The following PIK3C3 variants were observed in gnomAD, a reference collection of about 807,000 sequenced individuals.
PIK3C3 encodes the protein phosphatidylinositol 3-kinase catalytic subunit type 3, also known as PI3-kinase type 3.
Under a neutral mutation model 126.1 loss-of-function variants are expected in PIK3C3, and 95 were observed. The ratio of observed to expected loss-of-function variants is 0.75; its 90% CI spans 0.64 to 0.89. The LOEUF (loss-of-function observed/expected upper bound fraction) is 0.89, where lower values mean the gene tolerates loss of function less well. PIK3C3 is among the 40% of genes least tolerant of loss of function. PIK3C3 has a pLI of 0.00. For missense variants in PIK3C3, 829 were observed against 1,063.2 expected (o/e 0.78, Z 3.06); for synonymous variants, 374 against 360.0 (o/e 1.04, Z -0.44).
chr18:42,014,896 CT>C (rs1982998803), intron 11 of PIK3C3, among the ~76,000 whole-genome samples: 1 of 152,088 alleles, frequency 6.6e-6, no homozygotes, highest in Non-Finnish European at 1.5e-5. Flanking sequence ...GGAAGATGCT[CT>C]TTATATTTTA....
At chr18:42,051,438 GATA>G (rs1007751944) in intron 21 of PIK3C3, 8 of 151,854 alleles carry the variant, frequency 5.3e-5, no homozygotes, top group East Asian at 1.9e-4. Flanking sequence ...TCCAAATTGT[GATA>G]ATAATAATTT....
At chr18:42,009,919 CA>C (rs1462918059) in intron 10 of PIK3C3, among the ~76,000 whole-genome samples, 2 of 152,030 alleles carry the variant, frequency 1.3e-5, no homozygotes, top group African/African-American at 4.8e-5. Flanking sequence ...ACTGAATGAT[CA>C]GGGTGATGGT....
chr18:42,015,929 T>C (rs1421174116), intron 12 of PIK3C3, among the ~76,000 whole-genome samples: 1 of 152,138 alleles, frequency 6.6e-6, no homozygotes, highest in East Asian at 1.9e-4. Flanking sequence ...AACTTTGATA[T>C]TAGAGTTAAT....
At chr18:42,044,347 T>G (rs1984461325) in intron 20 of PIK3C3, among the ~76,000 whole-genome samples, 1 of 152,158 alleles carries the variant, frequency 6.6e-6, no homozygotes, top group South Asian at 2.1e-4. Context: ...TATGTCTAAC[T>G]TCACGAAGGT....
chr18:41,955,473 G>A, intron 1 of PIK3C3, 114 bp downstream of exon 1: 1 of 889,102 alleles, frequency 1.1e-6, no homozygotes, highest in African/African-American at 1.7e-5. Flanking sequence ...GGCCCAGATT[G>A]GGGGCGGCTG....
intron 20 of PIK3C3, chr18:42,049,195 T>A (rs1386010279): frequency 5.6e-6 from 1 of 178,894 alleles, no homozygotes; most frequent in Non-Finnish European, 1.2e-5. Flanking sequence ...TGGTTACGAG[T>A]TATGGGATAA....
Position 42,082,428 on chromosome 18 carries a change from A to G in PIK3C3, c.*1291A>G, listed in dbSNP as rs1986281777. On this transcript the variant is annotated 3_prime_UTR_variant, in exon 25 of 25. Coordinates refer to ENST00000262039, the MANE Select transcript of PIK3C3 (RefSeq NM_002647.4). ...TAGAGGCATATGGAATATAGTTTGT[A>G]TAAAACATACCTGCTGATTAGAAAA... The G allele has an allele frequency of 6.6e-6, 1 of 152,250 alleles. No homozygotes were observed. The highest frequency in any genetic ancestry group is 6.5e-5 in the Admixed American group (1 of 15,284). The allele number at this position is 152,250 out of a possible 1,614,324, so 9.4% of individuals were successfully genotyped here.
chr18:41,985,236 A>T (rs557908748), intron 4 of PIK3C3: 18 of 152,344 alleles, frequency 1.2e-4, no homozygotes, highest in African/African-American at 4.1e-4. Flanking sequence ...TGCCAAAAAA[A>T]AGATAATGAG....
intron 11 of PIK3C3, among the ~76,000 whole-genome samples, chr18:42,014,918 T>C (rs1451313270): frequency 6.6e-6 from 1 of 152,048 alleles, no homozygotes; most frequent in Non-Finnish European, 1.5e-5. Context: ...TCTCACTCTA[T>C]ATTGGAGGTC....
chr18:41,965,114 G>A (rs1246979408), intron 3 of PIK3C3, among the ~76,000 whole-genome samples: 2 of 152,062 alleles, frequency 1.3e-5, no homozygotes, highest in Admixed American at 6.5e-5. Flanking sequence ...ACTAGGGAGG[G>A]GCTTGTTTGC....
At chr18:42,068,387 T>G (rs952725314) in intron 24 of PIK3C3, among the ~76,000 whole-genome samples, 1 of 152,184 alleles carries the variant, frequency 6.6e-6, no homozygotes, top group Non-Finnish European at 1.5e-5. Flanking sequence ...TATTTTGTTG[T>G]CTTTCATCAT....
chr18:41,993,400 G>A, intron 7 of PIK3C3, 59 bp downstream of exon 7: 2 of 1,055,924 alleles, frequency 1.9e-6, no homozygotes, highest in East Asian at 2.4e-5. Flanking sequence ...TTGTGAGTTA[G>A]CCACATCATG....
chr18:42,045,419 C>T (rs1436938128), intron 20 of PIK3C3, among the ~76,000 whole-genome samples: 1 of 152,090 alleles, frequency 6.6e-6, no homozygotes. Flanking sequence ...AATTGCATAT[C>T]ATCTAAAGGC....
intron 13 of PIK3C3, among the ~76,000 whole-genome samples, chr18:42,023,938 C>T (rs1164817383): frequency 2.0e-5 from 3 of 152,286 alleles, no homozygotes; most frequent in Admixed American, 6.5e-5. Context: ...GTTGTGCAGA[C>T]AATCCTTTTA....
intron 3 of PIK3C3, among the ~76,000 whole-genome samples, chr18:41,968,070 A>G (rs972376454): frequency 3.3e-5 from 5 of 152,218 alleles, no homozygotes; most frequent in African/African-American, 1.2e-4. Flanking sequence ...CATTTGAGTC[A>G]CTTGGCATCA....
At chr18:42,060,191 A>G (rs8093251) in intron 22 of PIK3C3, among the ~76,000 whole-genome samples, 34,213 of 152,118 alleles carry the variant, frequency 0.22, 4,355 homozygotes, top group South Asian at 0.4. Flanking sequence ...CGGCACTTTT[A>G]TTAAGCTATT....
At chr18:42,025,108 G>A (rs1169968465) in intron 13 of PIK3C3, among the ~76,000 whole-genome samples, 4 of 152,140 alleles carry the variant, frequency 2.6e-5, no homozygotes, top group South Asian at 2.1e-4. Flanking sequence ...CACCACGCCC[G>A]GCCAACATAT....
chr18:42,048,234 C>T (rs1206037395), intron 20 of PIK3C3, among the ~76,000 whole-genome samples: 3 of 152,098 alleles, frequency 2.0e-5, no homozygotes, highest in African/African-American at 7.2e-5. Context: ...TGCTGTTGTT[C>T]TAACTATTTA....
chr18:42,074,473 A>G (rs1391218855), intron 24 of PIK3C3, among the ~76,000 whole-genome samples: 1 of 152,162 alleles, frequency 6.6e-6, no homozygotes, highest in African/African-American at 2.4e-5. Context: ...TTTAACAAAC[A>G]TGTAATTGGC....
Sources: gnomAD v4.1 joint callset for allele counts (sites outside exome capture counted in the v4.1 genomes callset) on GRCh38, gnomAD v4.1.1 for gene constraint, MANE v1.5 for transcripts, NCBI Gene and HGNC (gene_info 2026-07-23, HGNC 2026-07-21) for gene names.